PIK3CA: variants seen among roughly 807,000 people sequenced by gnomAD.
The protein encoded by PIK3CA is phosphatidylinositol-4,5-bisphosphate 3-kinase catalytic subunit alpha.
A neutral mutation model predicts 138.2 loss-of-function variants in PIK3CA; 27 were observed. The observed-to-expected ratio is 0.20, with a 90% CI of 0.14 to 0.27. The LOEUF (loss-of-function observed/expected upper bound fraction) is 0.27, where lower values mean the gene tolerates loss of function less well. PIK3CA is among the 10% of genes least tolerant of loss of function. The pLI, the probability that PIK3CA is intolerant of heterozygous loss-of-function variation, is 1.00. For synonymous variants in PIK3CA, 358 were observed against 413.2 expected, an observed-to-expected ratio of 0.87 and a Z score of 1.62; for missense variants, 544 against 1,277.4, an observed-to-expected ratio of 0.43 and a Z score of 8.75.
chr3:179,182,702 C>G (rs1482078241), intron 1 of PIK3CA, among the ~76,000 whole-genome samples: 4 of 151,884 alleles, frequency 2.6e-5, no homozygotes, highest in Non-Finnish European at 5.9e-5. Context: ...ACTCACTGAT[C>G]ATGTATGTTG....
intron 1 of PIK3CA, among the ~76,000 whole-genome samples, chr3:179,165,232 AATTG>A (rs1324744009): frequency 1.3e-5 from 2 of 152,124 alleles, no homozygotes; most frequent in Non-Finnish European, 2.9e-5. Flanking sequence ...TAAAATACAA[AATTG>A]ATCTGCTTAA....
intron 1 of PIK3CA, among the ~76,000 whole-genome samples, chr3:179,168,095 G>A (rs942716635): frequency 1.3e-5 from 2 of 152,022 alleles, no homozygotes; most frequent in African/African-American, 4.8e-5. Context: ...ATTTGTTTAC[G>A]TTATTTGACC....
At chr3:179,181,571 A>G (rs1723847303) in intron 1 of PIK3CA, among the ~76,000 whole-genome samples, 1 of 152,242 alleles carries the variant, frequency 6.6e-6, no homozygotes, top group Admixed American at 6.5e-5. Flanking sequence ...ATTATGCAAT[A>G]GAAATAGGAC....
chr3:179,221,408 A>G (rs1724963620), intron 14 of PIK3CA, among the ~76,000 whole-genome samples: 1 of 152,184 alleles, frequency 6.6e-6, no homozygotes, highest in African/African-American at 2.4e-5. Context: ...TACACGAGAT[A>G]TGCAAAGAAC....
intron 1 of PIK3CA, among the ~76,000 whole-genome samples, chr3:179,157,073 T>G (rs1383074203): frequency 6.6e-6 from 1 of 152,142 alleles, no homozygotes; most frequent in African/African-American, 2.4e-5. Flanking sequence ...ATATTGAAAT[T>G]AGACACTACT....
intron 3 of PIK3CA, among the ~76,000 whole-genome samples, chr3:179,200,282 A>G (rs961022207): frequency 6.6e-6 from 1 of 152,060 alleles, no homozygotes; most frequent in African/African-American, 2.4e-5. Context: ...TATATCATAA[A>G]TACACCAGAA....
At chr3:179,214,148 C>A (rs1218974829) in intron 9 of PIK3CA, among the ~76,000 whole-genome samples, 1 of 152,208 alleles carries the variant, frequency 6.6e-6, no homozygotes. Flanking sequence ...ATACTTCATT[C>A]ACTGAAGTAG....
chr3:179,149,392 T>A (rs1199112743), intron 1 of PIK3CA: 2 of 152,128 alleles, frequency 1.3e-5, no homozygotes, highest in African/African-American at 4.8e-5. Context: ...TGACCTCGGC[T>A]CGAGGGGTTT....
At chr3:179,174,023 C>T (rs73187259) in intron 1 of PIK3CA, among the ~76,000 whole-genome samples, 10,788 of 152,102 alleles carry the variant, frequency 0.071, 466 homozygotes, top group Non-Finnish European at 0.099. Context: ...CCATTGCGCC[C>T]GGCCCGGAAG....
Position 179,224,713 on chromosome 3 carries a change from C to T in PIK3CA, c.2308C>T (p.Arg770Ter), listed in dbSNP as rs2108417827. The change falls in exon 16 of 21, where the codon CGA (arginine) becomes TGA (stop). Residue 770 changes from arginine (R) to a stop codon, truncating the protein, a stop_gained. Transcript: ENST00000263967. LOFTEE classifies it high-confidence loss of function. ...QLGNLRLEEC[R>*]IMSSAKRPLW... ...ACTATTTTAAAGGCTTGAAGAGTGT[C>T]GAATTATGTCCTCTGCAAAAAGGCC... The T allele has an allele frequency of 6.2e-7, 1 of 1,603,784 alleles. No homozygotes were observed. Among genetic ancestry groups the T allele is most frequent in the Non-Finnish European group, 8.5e-7 (1 of 1,172,418 alleles).
At chr3:179,205,424 C>G (rs545908372) in intron 6 of PIK3CA, among the ~76,000 whole-genome samples, 2 of 152,258 alleles carry the variant, frequency 1.3e-5, no homozygotes, top group East Asian at 3.9e-4. Context: ...TTATGCTAAT[C>G]ATTCCCCACA....
chr3:179,206,086 CTTT>C (rs751353057), intron 6 of PIK3CA, among the ~76,000 whole-genome samples: 1,804 of 105,142 alleles, frequency 0.017, 34 homozygotes, highest in South Asian at 0.13. Flanking sequence ...ACTTCAGGAT[CTTT>C]TTTTTTTTTT....
intron 7 of PIK3CA, 82 bp from the exon 8 acceptor site, chr3:179,210,104 G>T (rs2108399882): frequency 9.2e-7 from 1 of 1,089,536 alleles, no homozygotes; most frequent in South Asian, 1.6e-5. Flanking sequence ...GATGATTGTT[G>T]AATTTTCCTT....
At chr3:179,228,155 GAAATTCAAAATTAGAATTTTGA>G (rs763109273) in intron 17 of PIK3CA, among the ~76,000 whole-genome samples, 3 of 151,968 alleles carry the variant, frequency 2.0e-5, no homozygotes, top group Non-Finnish European at 4.4e-5. Flanking sequence ...AATTTCATTA[GAAATTCAAAATTAGAATTTTGA>G]AAATTCTAAT....
chr3:179,163,729 A>G (rs4854940), intron 1 of PIK3CA, among the ~76,000 whole-genome samples: 15,031 of 152,200 alleles, frequency 0.099, 1,191 homozygotes, highest in African/African-American at 0.21. Flanking sequence ...TACAAGCATA[A>G]GGGACATGTT....
chr3:179,200,463 T>C (rs1724382597), intron 3 of PIK3CA, among the ~76,000 whole-genome samples: 1 of 152,062 alleles, frequency 6.6e-6, no homozygotes, highest in South Asian at 2.1e-4. Flanking sequence ...TATCTATATT[T>C]TTCAGGGTAA....
intron 1 of PIK3CA, among the ~76,000 whole-genome samples, chr3:179,175,798 A>G (rs1016438734): frequency 1.3e-5 from 2 of 148,690 alleles, no homozygotes; most frequent in East Asian, 2.0e-4. Flanking sequence ...TTTCTTTGAC[A>G]TTTTCCTCTG....
intron 1 of PIK3CA, among the ~76,000 whole-genome samples, chr3:179,169,726 G>C (rs1723504006): frequency 1.3e-5 from 2 of 152,072 alleles, no homozygotes; most frequent in African/African-American, 2.4e-5. Context: ...ACTTAGGCTA[G>C]CCCCTTCTCA....
intron 1 of PIK3CA, among the ~76,000 whole-genome samples, chr3:179,185,768 A>G (rs897791312): frequency 1.3e-5 from 2 of 152,230 alleles, no homozygotes; most frequent in African/African-American, 4.8e-5. Flanking sequence ...TACAAAGGAT[A>G]TAGATGAAGA....
Sources: allele counts gnomAD v4.1 joint callset (sites outside exome capture counted in the v4.1 genomes callset), GRCh38; gene constraint gnomAD v4.1.1; transcripts MANE v1.5; gene names NCBI Gene and HGNC (gene_info 2026-07-23, HGNC 2026-07-21).